Variants in ANAPC5 observed in about 807,000 individuals in gnomAD.
ANAPC5 encodes the protein anaphase promoting complex subunit 5, also known as anaphase-promoting complex subunit 5.
A neutral mutation model predicts 91.3 loss-of-function variants in ANAPC5; 60 were observed. The observed-to-expected ratio is 0.66, with a 90% CI of 0.53 to 0.81. The LOEUF (loss-of-function observed/expected upper bound fraction) is 0.81, where lower values mean the gene tolerates loss of function less well. Ranked by LOEUF, ANAPC5 falls within the 40% of genes least tolerant of loss-of-function variation. The probability of loss-of-function intolerance (pLI) is 0.00; values close to 1 mark genes in which losing one functional copy is unlikely to be tolerated. For missense variants in ANAPC5, 690 were observed against 931.5 expected, an observed-to-expected ratio of 0.74 and a Z score of 3.37; for synonymous variants, 340 against 364.1, an observed-to-expected ratio of 0.93 and a Z score of 0.75.
At chr12:121,351,631 G>A (rs1903895796) in intron 1 of ANAPC5, among the ~76,000 whole-genome samples, 1 of 151,864 alleles carries the variant, frequency 6.6e-6, no homozygotes, top group Non-Finnish European at 1.5e-5. Flanking sequence ...CTAATTTTTT[G>A]TGTTTTTAGT....
Position 121,342,584 on chromosome 12 carries a change from A to C in ANAPC5, c.591-515T>G, listed in dbSNP as rs920702442. 2.1e-4 allele frequency among the ~76,000 whole-genome samples: 32 copies of C among 152,154 alleles called. No homozygotes were observed. Among genetic ancestry groups the C allele is most frequent in the Admixed American group, 2.0e-4 (3 of 15,282 alleles). ...TTAGAAGAAAACATCGAGGAGGCCA[A>C]GCGCGGTGGCTCACACCTGTAATCC... On this transcript the variant is annotated intron_variant, in intron 4 of 16. Coordinates refer to ENST00000261819, the MANE Select transcript of ANAPC5 (RefSeq NM_016237.5). This position sits in a 1 kb window ranked among gnomAD's most constrained non-coding sequence, Gnocchi z 4.1.
At chr12:121,331,562 A>C (rs980254948) in intron 7 of ANAPC5, 134 bp from the exon 8 acceptor site, 4 of 622,840 alleles carry the variant, frequency 6.4e-6, no homozygotes, top group African/African-American at 5.4e-5. Flanking sequence ...TTCTGGGCTT[A>C]TTCTCTCAGA....
Position 121,346,945 on chromosome 12 carries a change from T to C in ANAPC5, c.348A>G (p.Ser116=). 1 of 1,612,518 alleles carries C rather than the reference T, an allele frequency of 6.2e-7. No homozygotes were observed. The highest frequency in any genetic ancestry group is 8.5e-7 in the Non-Finnish European group (1 of 1,179,644). ...KDMEQFFDDL[S]DSFSGTEPEV... ...CTGGTTCAGTTCCAGAGAAAGAATC[T>C]GAAAGGTCATCAAAAAACTGTTCCA... is the stretch of plus-strand genomic sequence containing the variant. The change falls in exon 3 of 17, where the codon TCA becomes TCG. Residue 116 remains serine (S), a synonymous_variant. Coordinates refer to ENST00000261819, the MANE Select transcript of ANAPC5 (RefSeq NM_016237.5).
At chr12:121,347,486 C>A in intron 2 of ANAPC5, 1 of 293,134 alleles carries the variant, frequency 3.4e-6, no homozygotes. Context: ...AAAAAATTAG[C>A]CAGGTTTGGT....
At position 121,308,402 on chromosome 12, in the gene ANAPC5, T is replaced by A; in HGVS notation, c.*78A>T. ...GACAAGATAGGGTGTCACAAATACATCATTTATAGGGAGAGAGGGGACATG... is the reference window on the plus strand; with the variant it reads ...GACAAGATAGGGTGTCACAAATACAACATTTATAGGGAGAGAGGGGACATG... On this transcript the variant is annotated 3_prime_UTR_variant, in exon 17 of 17. Coordinates refer to ENST00000261819, the MANE Select transcript of ANAPC5 (RefSeq NM_016237.5). 8.6e-7 allele frequency: 1 copy of A among 1,167,358 alleles called. No individual in the cohort carries two copies. The highest frequency in any genetic ancestry group is 2.4e-5 in the East Asian group (1 of 41,852). 72.3% of individuals were successfully genotyped at this position (1,167,358 alleles called of 1,614,324 possible).
chr12:121,337,393 C>G lies in ANAPC5; in HGVS notation c.658-1G>C. The G allele has an allele frequency of 6.2e-7, 1 of 1,606,928 alleles. No homozygotes were observed. The highest frequency in any genetic ancestry group is 1.1e-5 in the South Asian group (1 of 90,864). On this transcript the variant is annotated splice_acceptor_variant, in intron 5 of 16. Coordinates refer to ENST00000261819, the MANE Select transcript of ANAPC5 (RefSeq NM_016237.5). LOFTEE classifies it high-confidence loss of function. ...TCTCATCATTCTTTAGCAAAGAAGC[C>G]TGAAATTTAAAAATGGTAACTCAGT...
In ANAPC5 at chr12:121,331,352, A is replaced by C; in HGVS notation, c.1027T>G (p.Cys343Gly). ...ESNDHVCLQH[C>G]LSWLYVLGQK... is the part of the protein sequence containing the mutation. ...AGACCAGAGGATGGCCTCACCAAACAGTGCTGGAGACACACGTGATCGTTG... is the reference window on the plus strand; with the variant it reads ...AGACCAGAGGATGGCCTCACCAAACCGTGCTGGAGACACACGTGATCGTTG... Residue 343 changes from cysteine (C) to glycine (G), a missense_variant, in exon 8 of 17, where the codon TGT becomes GGT. By Grantham distance (159) the Cys-to-Gly change is radical (BLOSUM62 -3). Coordinates refer to ENST00000261819, the MANE Select transcript of ANAPC5 (RefSeq NM_016237.5). 6.3e-7 allele frequency: 1 copy of C among 1,589,238 alleles called. No individual in the cohort carries two copies. The highest frequency in any genetic ancestry group is 8.6e-7 in the Non-Finnish European group (1 of 1,160,120).
At chr12:121,354,012 G>A (rs1008211487), upstream of ANAPC5, among the ~76,000 whole-genome samples, 1 of 147,856 alleles carries the variant, frequency 6.8e-6, no homozygotes, top group Admixed American at 6.7e-5. Context: ...TTCCCGATAC[G>A]GAGTCTTGCT....
At chr12:121,347,194 G>T in intron 2 of ANAPC5, 189 bp from the exon 3 acceptor site, 1 of 513,694 alleles carries the variant, frequency 1.9e-6, no homozygotes, top group Non-Finnish European at 3.4e-6. Context: ...TATCATTGTT[G>T]TTTTCTTGAT....
chr12:121,327,485 C>A (rs1555272406), intron 10 of ANAPC5: 4 of 485,706 alleles, frequency 8.2e-6, no homozygotes, highest in African/African-American at 8.0e-5. Context: ...CCCAGATCCC[C>A]CCGCCCCCAC....
chr12:121,340,537 ATT>A (rs200074790), intron 5 of ANAPC5, among the ~76,000 whole-genome samples: 11 of 141,212 alleles, frequency 7.8e-5, no homozygotes, highest in East Asian at 4.1e-4. Context: ...AATTCCGTAA[ATT>A]TTTTTTTTTT....
At chr12:121,343,399 CA>C (rs1394915566) in intron 4 of ANAPC5, among the ~76,000 whole-genome samples, 1 of 152,182 alleles carries the variant, frequency 6.6e-6, no homozygotes, top group African/African-American at 2.4e-5. Context: ...TTAATTCTGA[CA>C]ACCCTCTGGG....
chr12:121,326,285 A>T (rs1398390147), intron 11 of ANAPC5: 1 of 152,240 alleles, frequency 6.6e-6, no homozygotes, highest in Non-Finnish European at 1.5e-5. Flanking sequence ...GATGCAATCT[A>T]ACAGTAACAG....
chr12:121,308,468 G>A lies in ANAPC5; in HGVS notation c.*12C>T. The A allele has an allele frequency of 6.2e-7, 1 of 1,612,488 alleles. No individual in the cohort carries two copies. Among genetic ancestry groups the A allele is most frequent in the East Asian group, 2.2e-5 (1 of 44,866 alleles). ...TTATACTCTGCACAGCAGCCCAGCA[G>A]GGATGTCCTCTCTAGAGATGGTTTA... is the stretch of plus-strand genomic sequence containing the variant. On this transcript the variant is annotated 3_prime_UTR_variant, in exon 17 of 17. Coordinates refer to ENST00000261819, the MANE Select transcript of ANAPC5 (RefSeq NM_016237.5).
intron 15 of ANAPC5, among the ~76,000 whole-genome samples, chr12:121,314,603 G>A (rs1034314934): frequency 6.6e-6 from 1 of 151,658 alleles, no homozygotes; most frequent in Non-Finnish European, 1.5e-5. Flanking sequence ...TCCCCCTACA[G>A]GAACAAAATA....
chr12:121,320,816 G>GATGGTCTCGATCTC, intron 11 of ANAPC5: 2 of 162,084 alleles, frequency 1.2e-5, no homozygotes, highest in Non-Finnish European at 2.7e-5. Flanking sequence ...TGTTAGCCAG[G>GATGGTCTCGATCTC]ATGGTCTCGA....
rs189845410 is a variant in ANAPC5 at position 121,309,715 on chromosome 12, G to T, written c.2042C>A (p.Pro681Gln). 5 of 1,613,622 alleles carry T rather than the reference G, an allele frequency of 3.1e-6. No individual in the cohort carries two copies. The South Asian group carries it at 3.3e-5, about 11-fold the overall frequency. Residue 681 changes from proline to glutamine, a missense_variant, in exon 16 of 17, where the codon CCG becomes CAG. Coordinates refer to ENST00000261819, the MANE Select transcript of ANAPC5 (RefSeq NM_016237.5). ...QVASAASYDQPKKAEALEAAI... is the reference protein window; with the variant it reads ...QVASAASYDQQKKAEALEAAI... ...CAGCTTCCTACCTTCTGCTTTCTTCGGCTGATCGTAGGAAGCTGCTGAAGC... is the reference window on the plus strand; with the variant it reads ...CAGCTTCCTACCTTCTGCTTTCTTCTGCTGATCGTAGGAAGCTGCTGAAGC...
intron 13 of ANAPC5, among the ~76,000 whole-genome samples, 181 bp downstream of exon 13, chr12:121,319,516 A>G (rs1205542169): frequency 7.2e-6 from 1 of 139,320 alleles, no homozygotes. Flanking sequence ...TTACAGGTGT[A>G]AGTCACCATG....
rs1167755693 is a variant in ANAPC5 at position 121,345,890 on chromosome 12, C to T, written c.539G>A (p.Arg180Lys). 1 of 1,614,188 alleles carries T rather than the reference C, an allele frequency of 6.2e-7. No individual in the cohort carries two copies. Among genetic ancestry groups the T allele is most frequent in the Non-Finnish European group, 8.5e-7 (1 of 1,180,040 alleles). ...VEDADMELTSRDEGERKMEKE... is the reference protein window; with the variant it reads ...VEDADMELTSKDEGERKMEKE... ...TTCCATTTTTCTTTCACCCTCATCT[C>T]TACTGGTCAGTTCCATATCAGCATC... Residue 180 changes from arginine (R) to lysine (K), a missense_variant, in exon 4 of 17, where the codon AGA (arginine) becomes AAA (lysine). Around this residue, in one of 5 missense-constraint regions of ANAPC5, gnomAD observed 238 missense variants for 264.9 expected, o/e 0.90. Transcript: ENST00000261819.
Sources: gnomAD v4.1 joint callset for allele counts (sites outside exome capture counted in the v4.1 genomes callset) on GRCh38, gnomAD v4.1.1 for gene constraint, gnomAD v4.1.1 regional missense constraint, Gnocchi (gnomAD v3.1) non-coding constraint, MANE v1.5 for transcripts, NCBI Gene and HGNC (gene_info 2026-07-23, HGNC 2026-07-21) for gene names.